Variants in NXPE2 observed in about 807,000 individuals in gnomAD.
The protein encoded by NXPE2 is NXPE family member 2.
A neutral mutation model predicts 34.4 loss-of-function variants in NXPE2; 34 were observed. The observed-to-expected ratio is 0.99, with a 90% CI of 0.75 to 1.31. The LOEUF is 1.31. Among genes scored for constraint, NXPE2 ranks in the 40% most tolerant of loss-of-function variants. The pLI, the probability that NXPE2 is intolerant of heterozygous loss-of-function variation, is 0.00. For synonymous variants in NXPE2, 235 were observed against 231.3 expected (o/e 1.02, Z -0.15); for missense variants, 649 against 672.5 (o/e 0.97, Z 0.39).
chr11:114,530,640 T>C, the NXPE2 span: 1 of 1,614,124 alleles, frequency 6.2e-7, no homozygotes, highest in Non-Finnish European at 8.5e-7. Context: ...GTCCCTCACC[T>C]CCAGTAGGAT....
At chr11:114,568,883 T>C in the NXPE2 span, among the ~76,000 whole-genome samples, 1 of 152,288 alleles carries the variant, frequency 6.6e-6, no homozygotes, top group Non-Finnish European at 1.5e-5. Flanking sequence ...TTTCCTTTAT[T>C]AGAATATAAA....
the NXPE2 span, chr11:114,570,925 A>C: frequency 6.5e-7 from 1 of 1,534,536 alleles, no homozygotes; most frequent in Non-Finnish European, 8.8e-7. Flanking sequence ...TGAATTTCAG[A>C]CTTTTGTGTT....
At chr11:114,571,427 C>G in the NXPE2 span, 1 of 1,611,218 alleles carries the variant, frequency 6.2e-7, no homozygotes, top group Non-Finnish European at 8.5e-7. Context: ...CCACAGCAAG[C>G]TGGTGTTGCA....
chr11:114,762,605 T>C, the NXPE2 span, among the ~76,000 whole-genome samples: 5 of 152,070 alleles, frequency 3.3e-5, no homozygotes, highest in Non-Finnish European at 5.9e-5. Context: ...GATGGGGAAG[T>C]TGGGCTTGCA....
At chr11:114,649,492 C>T in the NXPE2 span, among the ~76,000 whole-genome samples, 7 of 152,306 alleles carry the variant, frequency 4.6e-5, no homozygotes, top group African/African-American at 1.7e-4. Context: ...CAAGAGACCA[C>T]ATGTTGTGAC....
chr11:114,611,611 C>T, the NXPE2 span, among the ~76,000 whole-genome samples: 3 of 151,586 alleles, frequency 2.0e-5, no homozygotes, highest in Non-Finnish European at 4.4e-5. Flanking sequence ...CAATTCTTAC[C>T]CTGTGGAAAA....
At chr11:114,532,904 C>G in the NXPE2 span, among the ~76,000 whole-genome samples, 1 of 152,066 alleles carries the variant, frequency 6.6e-6, no homozygotes, top group South Asian at 2.1e-4. Context: ...TGATTTTTCA[C>G]TGTTCTCAGA....
the NXPE2 span, among the ~76,000 whole-genome samples, chr11:114,772,263 A>G: frequency 8.7e-4 from 133 of 152,334 alleles, no homozygotes; most frequent in African/African-American, 2.8e-3. Context: ...GGAGTTAACC[A>G]ATATATTAAT....
chr11:114,664,918 C>T, the NXPE2 span, among the ~76,000 whole-genome samples: 1 of 152,048 alleles, frequency 6.6e-6, no homozygotes. Flanking sequence ...TGTAAGTGTT[C>T]AGAGCACATT....
chr11:114,793,932 G>A, the NXPE2 span, among the ~76,000 whole-genome samples: 4 of 152,142 alleles, frequency 2.6e-5, no homozygotes, highest in East Asian at 1.9e-4. Context: ...AATCAGAATC[G>A]GTTTCTTTGG....
chr11:114,805,375 G>A, the NXPE2 span, among the ~76,000 whole-genome samples: 17 of 152,090 alleles, frequency 1.1e-4, no homozygotes, highest in African/African-American at 2.7e-4. Context: ...TGCACGAGCC[G>A]AAGCAGGGCA....
At chr11:114,574,468 TAAG>T in the NXPE2 span, among the ~76,000 whole-genome samples, 1 of 151,762 alleles carries the variant, frequency 6.6e-6, no homozygotes, top group African/African-American at 2.4e-5. Flanking sequence ...CAAGATTAAC[TAAG>T]AAGAGAGAAG....
At chr11:114,754,534 G>A in the NXPE2 span, among the ~76,000 whole-genome samples, 1 of 152,198 alleles carries the variant, frequency 6.6e-6, no homozygotes, top group African/African-American at 2.4e-5. Flanking sequence ...TCTAAGGTTG[G>A]GTCATGAGAG....
chr11:114,483,293 T>A, the NXPE2 span, among the ~76,000 whole-genome samples: 1 of 152,176 alleles, frequency 6.6e-6, no homozygotes, highest in Non-Finnish European at 1.5e-5. Context: ...ATCTGAAAAA[T>A]AAGTATAATA....
rs373459323 is a variant in NXPE2, at chr11:114,686,816, T to G, written c.132+7054T>G. 1.2e-4 allele frequency among the ~76,000 whole-genome samples: 18 copies of G among 152,312 alleles called. 1 individual carries two copies. Among genetic ancestry groups the G allele is most frequent in the African/African-American group, 4.3e-4 (18 of 41,578 alleles). On this transcript the variant is annotated intron_variant, in intron 2 of 5. Transcript: ENST00000389586. Reference sequence around the variant, plus strand: ...ACTGTTTAATAGTAGCCATTCTGACTGGTGTGAGATGGTACCTCACTGGAG... The same window carrying G: ...ACTGTTTAATAGTAGCCATTCTGACGGGTGTGAGATGGTACCTCACTGGAG...
the NXPE2 span, among the ~76,000 whole-genome samples, chr11:114,556,815 A>G: frequency 6.6e-6 from 1 of 151,720 alleles, no homozygotes; most frequent in African/African-American, 2.4e-5. Context: ...TATCGTTGAT[A>G]TATCTATGTA....
the NXPE2 span, chr11:114,571,348 A>G: frequency 6.2e-7 from 1 of 1,613,994 alleles, no homozygotes; most frequent in Middle Eastern, 1.7e-4. Context: ...TCTTTGACTG[A>G]ATAGGTCATT....
At chr11:114,590,185 A>G in the NXPE2 span, among the ~76,000 whole-genome samples, 3 of 152,192 alleles carry the variant, frequency 2.0e-5, no homozygotes, top group Non-Finnish European at 2.9e-5. Context: ...CAATATGTGG[A>G]TGATATACTG....
At chr11:114,792,069 A>T in the NXPE2 span, among the ~76,000 whole-genome samples, 1 of 152,206 alleles carries the variant, frequency 6.6e-6, no homozygotes, top group Non-Finnish European at 1.5e-5. Flanking sequence ...AAAAAAAGAA[A>T]AAAAGAAATA....
Sources: gnomAD v4.1 joint callset for allele counts (sites outside exome capture counted in the v4.1 genomes callset) on GRCh38, gnomAD v4.1.1 for gene constraint, MANE v1.5 for transcripts, NCBI Gene and HGNC (gene_info 2026-07-23, HGNC 2026-07-21) for gene names.